The following KIF13A variants were observed in gnomAD, a reference collection of about 807,000 sequenced individuals.
The protein encoded by KIF13A is kinesin family member 13A.
In KIF13A, 79 loss-of-function variants were observed where a neutral mutation model predicts 212.2. That is an observed-to-expected ratio of 0.37 (90% CI 0.31 to 0.45). KIF13A has a LOEUF of 0.45. Ranked by LOEUF, KIF13A falls within the 20% of genes least tolerant of loss-of-function variation. KIF13A has a pLI of 1.00. For synonymous variants in KIF13A, 789 were observed against 808.6 expected (o/e 0.98, Z 0.41); for missense variants, 1,901 against 2,209.0 (o/e 0.86, Z 2.79).
At chr6:17,954,792 G>GC (rs544903700) in intron 2 of KIF13A, among the ~76,000 whole-genome samples, 169 of 152,124 alleles carry the variant, frequency 1.1e-3, no homozygotes, top group African/African-American at 4.0e-3. Flanking sequence ...TCCCTCCTTA[G>GC]CCTCCTGAGT....
chr6:17,970,524 G>T (rs146581313), intron 2 of KIF13A, among the ~76,000 whole-genome samples: 48 of 152,250 alleles, frequency 3.2e-4, no homozygotes, highest in Middle Eastern at 3.4e-3. Flanking sequence ...ATTTCAGATC[G>T]CTTACATGCT....
chr6:17,981,904 C>G (rs961969892), intron 2 of KIF13A, among the ~76,000 whole-genome samples: 1 of 152,078 alleles, frequency 6.6e-6, no homozygotes, highest in Non-Finnish European at 1.5e-5. Flanking sequence ...AATTTCTGGT[C>G]TACAGAGACA....
rs996203433 is a variant in KIF13A at position 17,892,132 on chromosome 6, A to G, written c.159+6036T>C. 5.9e-5 allele frequency among the ~76,000 whole-genome samples: 9 copies of G among 152,084 alleles called. No individual in the cohort carries two copies. The highest frequency in any genetic ancestry group is 2.2e-4 in the African/African-American group (9 of 41,404). On this transcript the variant is annotated intron_variant, in intron 3 of 38. Transcript: ENST00000259711. The surrounding 1 kb of genome is among the most constrained non-coding windows in gnomAD (Gnocchi z 4.7). ...CACTCTAGAACGTAATCAACTTCCC[A>G]CTGAACCAAACTAGCTCTTCCTTCT...
Position 17,789,752 on chromosome 6 carries a change from G to A in KIF13A, c.3261+120C>T. The A allele has an allele frequency of 2.8e-6, 2 of 712,992 alleles. No individual in the cohort carries two copies. The highest frequency in any genetic ancestry group is 4.7e-6 in the Non-Finnish European group (2 of 422,990). The allele number at this position is 712,992 out of a possible 1,614,324, so 44.2% of individuals were successfully genotyped here. A position where few individuals can be genotyped will look rare whatever the true frequency, so the allele number is the denominator to read the frequency against. ...CATATAAAGCAAATCAAAAGCAAGT[G>A]AAAAACTGCATATTCTCGCTCTAGG... On this transcript the variant is annotated intron_variant, in intron 26 of 38. Coordinates refer to ENST00000259711, the MANE Select transcript of KIF13A (RefSeq NM_022113.6). This position sits in a 1 kb window ranked among gnomAD's most constrained non-coding sequence, Gnocchi z 4.8.
At position 17,967,436 on chromosome 6, in the gene KIF13A, A is replaced by AT. The variant is rs1346369033; in HGVS notation, c.146+19617dup. 6.6e-6 allele frequency among the ~76,000 whole-genome samples: 1 copy of AT among 152,256 alleles called. No individual in the cohort carries two copies. The highest frequency in any genetic ancestry group is 2.4e-5 in the African/African-American group (1 of 41,464). ...TCACATTTATAATTAGAAAAAAGCT[A>AT]TATTAAAAACAAAGTTCTTATGAAT... is the stretch of plus-strand genomic sequence containing the variant. On this transcript the variant is annotated intron_variant, in intron 2 of 38. Coordinates refer to ENST00000259711, the MANE Select transcript of KIF13A (RefSeq NM_022113.6). The surrounding 1 kb of genome is among the most constrained non-coding windows in gnomAD (Gnocchi z 4.1).
rs745696577 is a variant in KIF13A at position 17,794,552 on chromosome 6, A to G, written c.3075+20T>C. The G allele has an allele frequency of 7.8e-5, 124 of 1,584,966 alleles. 2 individuals are homozygous for G. The highest frequency in any genetic ancestry group is 3.4e-4 in the Middle Eastern group (2 of 5,904). On this transcript the variant is annotated intron_variant, in intron 24 of 38. Coordinates refer to ENST00000259711, the MANE Select transcript of KIF13A (RefSeq NM_022113.6). This position sits in a 1 kb window ranked among gnomAD's most constrained non-coding sequence, Gnocchi z 4.1. The stretch of plus-strand genomic sequence containing the variant: ...AACAGAGAGAAAACATTAAAAAAAA[A>G]CCCAAAACAAACTCAGTACCTGTCT...
At chr6:17,779,269 T>A (rs1384920485) in intron 32 of KIF13A, among the ~76,000 whole-genome samples, 170 bp from the exon 33 acceptor site, 339 of 28,884 alleles carry the variant, frequency 0.012, no homozygotes, top group African/African-American at 0.035. Flanking sequence ...TTTTTTTTTT[T>A]TTTTTTTTTT....
Position 17,796,687 on chromosome 6 carries a change from G to T in KIF13A, c.2924C>A (p.Thr975Lys), listed in dbSNP as rs1421638722. ...IWEVDSLHAKTRTLHDRWNEV... is the reference protein window; with the variant it reads ...IWEVDSLHAKKRTLHDRWNEV... ...TACAAACCTGTCATGCAGTGTTCTT[G>T]TCTTAGCATGAAGAGAATCGACCTC... is the stretch of plus-strand genomic sequence containing the variant. The change falls in exon 23 of 39, where the codon ACA (threonine) becomes AAA (lysine). Residue 975 changes from threonine to lysine, a missense_variant. Around this residue, in one of 5 missense-constraint regions of KIF13A, gnomAD observed 534 missense variants for 536.9 expected, o/e 0.99. Coordinates refer to ENST00000259711, the MANE Select transcript of KIF13A (RefSeq NM_022113.6). 1.9e-6 allele frequency: 3 copies of T among 1,570,414 alleles called. No homozygotes were observed. The highest frequency in any genetic ancestry group is 4.8e-5 in the East Asian group (2 of 41,858).
At chr6:17,788,472 T>C (rs1349660731) in intron 26 of KIF13A, among the ~76,000 whole-genome samples, 1 of 152,160 alleles carries the variant, frequency 6.6e-6, no homozygotes, top group Non-Finnish European at 1.5e-5. Flanking sequence ...AGGCAGCCAT[T>C]GGACTGCACT....
At position 17,971,379 on chromosome 6, in the gene KIF13A, A is replaced by G. The variant is rs956877711; in HGVS notation, c.146+15675T>C. On this transcript the variant is annotated intron_variant, in intron 2 of 38. Coordinates refer to ENST00000259711, the MANE Select transcript of KIF13A (RefSeq NM_022113.6). The surrounding 1 kb of genome is among the most constrained non-coding windows in gnomAD (Gnocchi z 4.2). Reference sequence around the variant, plus strand: ...TTTCTCCTATTCTGGTGTTAAGCTGACCTCTATTTTATAATAAAATATTAA... The same window carrying G: ...TTTCTCCTATTCTGGTGTTAAGCTGGCCTCTATTTTATAATAAAATATTAA... 2.0e-5 allele frequency among the ~76,000 whole-genome samples: 3 copies of G among 152,104 alleles called. No homozygotes were observed. Among genetic ancestry groups the G allele is most frequent in the Admixed American group, 2.0e-4 (3 of 15,262 alleles).
chr6:17,867,184 C>T (rs924649257), intron 4 of KIF13A, among the ~76,000 whole-genome samples: 2 of 151,430 alleles, frequency 1.3e-5, no homozygotes, highest in African/African-American at 4.9e-5. Context: ...TTAACAAATG[C>T]AAAAAAGAGG....
Position 17,856,037 on chromosome 6 carries a change from T to G in KIF13A, c.306A>C (p.Gly102=). 1 of 1,610,626 alleles carries G rather than the reference T, an allele frequency of 6.2e-7. No homozygotes were observed. The highest frequency in any genetic ancestry group is 8.5e-7 in the Non-Finnish European group (1 of 1,177,048). Residue 102 remains glycine (G), a synonymous_variant, in exon 5 of 39, where the codon GGA becomes GGC. Transcript: ENST00000259711. The surrounding 1 kb of genome is among the most constrained non-coding windows in gnomAD (Gnocchi z 4.5). ...QGYNACIFAY[G]QTGSGKSFSM... ...ATAAAAGCAACTTCTTACCTGTCTG[T>G]CCATATGCAAAAATACACGCATTAT...
At chr6:17,935,408 C>G (rs574923708) in intron 2 of KIF13A, among the ~76,000 whole-genome samples, 2 of 152,136 alleles carry the variant, frequency 1.3e-5, no homozygotes, top group African/African-American at 4.8e-5. Context: ...TGGCCCCCAC[C>G]TGTTGGAGTG....
In KIF13A at chr6:17,892,573, G is replaced by C. The variant is rs775394871; in HGVS notation, c.159+5595C>G. Among the ~76,000 whole-genome samples, 5 of 152,208 alleles carry C rather than the reference G, an allele frequency of 3.3e-5. No homozygotes were observed. Among genetic ancestry groups the C allele is most frequent in the Admixed American group, 6.5e-5 (1 of 15,284 alleles). On this transcript the variant is annotated intron_variant, in intron 3 of 38. Transcript: ENST00000259711. The surrounding 1 kb of genome is among the most constrained non-coding windows in gnomAD (Gnocchi z 4.7). ...CCCCAGGTGGCTTCAAGATAGGGCT[G>C]CTTACCAGAAAGACCAAGGCAGGAT...
chr6:17,821,750 C>T, intron 16 of KIF13A: 2 of 1,532,916 alleles, frequency 1.3e-6, no homozygotes, highest in Non-Finnish European at 1.7e-6. Context: ...AAAAACCAGC[C>T]AAGCTCCCTC....
intron 2 of KIF13A, among the ~76,000 whole-genome samples, chr6:17,983,557 A>G (rs1460263735): frequency 6.7e-6 from 1 of 148,896 alleles, no homozygotes; most frequent in Non-Finnish European, 1.5e-5. Context: ...CAGTAGCACG[A>G]TCTCAGCTCA....
rs544634268 is a variant in KIF13A at position 17,895,378 on chromosome 6, C to A, written c.159+2790G>T. 6.6e-6 allele frequency among the ~76,000 whole-genome samples: 1 copy of A among 152,296 alleles called. No individual in the cohort carries two copies. Among genetic ancestry groups the A allele is most frequent in the East Asian group, 1.9e-4 (1 of 5,180 alleles). On this transcript the variant is annotated intron_variant, in intron 3 of 38. Transcript: ENST00000259711. The surrounding 1 kb of genome is among the most constrained non-coding windows in gnomAD (Gnocchi z 4.4). ...ATTTTTAAAACAGTTTGTGGAATCACTAAAGACTTAGGATTTCATTTACTT... is the reference window on the plus strand; with the variant it reads ...ATTTTTAAAACAGTTTGTGGAATCAATAAAGACTTAGGATTTCATTTACTT...
chr6:17,907,966 G>C (rs1773676132), intron 2 of KIF13A, among the ~76,000 whole-genome samples: 2 of 152,198 alleles, frequency 1.3e-5, no homozygotes, highest in Non-Finnish European at 2.9e-5. Context: ...ACCATCTAGA[G>C]TCAGCAGTGA....
Position 17,871,108 on chromosome 6 carries a change from C to T in KIF13A, c.220+2269G>A, listed in dbSNP as rs774962791. Among the ~76,000 whole-genome samples the T allele has an allele frequency of 6.6e-6, 1 of 152,196 alleles. No homozygotes were observed. The highest frequency in any genetic ancestry group is 1.5e-5 in the Non-Finnish European group (1 of 68,038). Reference sequence around the variant, plus strand: ...TCCTCTTGTCTGGATGCCTTCTAGGCTTCCCTTTGACTAAACTCTAAACAA... The same window carrying T: ...TCCTCTTGTCTGGATGCCTTCTAGGTTTCCCTTTGACTAAACTCTAAACAA... On this transcript the variant is annotated intron_variant, in intron 4 of 38. Transcript: ENST00000259711. This position sits in a 1 kb window ranked among gnomAD's most constrained non-coding sequence, Gnocchi z 4.4.
Sources: allele counts gnomAD v4.1 joint callset (sites outside exome capture counted in the v4.1 genomes callset), GRCh38; gene constraint gnomAD v4.1.1; regional missense constraint gnomAD v4.1.1; non-coding constraint Gnocchi (gnomAD v3.1); transcripts MANE v1.5; gene names NCBI Gene and HGNC (gene_info 2026-07-23, HGNC 2026-07-21).